Variants in TMEM215 observed in about 807,000 individuals in gnomAD.
The protein encoded by TMEM215 is transmembrane protein 215.
Under a neutral mutation model 14.7 loss-of-function variants are expected in TMEM215, and 12 were observed. The ratio of observed to expected loss-of-function variants is 0.82; its 90% CI spans 0.52 to 1.33. The LOEUF is 1.33. Among genes scored for constraint, TMEM215 ranks in the 40% most tolerant of loss-of-function variants. The pLI is 0.00. For missense variants in TMEM215, 276 were observed against 296.2 expected (o/e 0.93, Z 0.50); for synonymous variants, 122 against 124.8 (o/e 0.98, Z 0.15).
Position 32,784,992 on chromosome 9 carries a change from T to C in TMEM215, c.*101T>C. The C allele has an allele frequency of 1.0e-5, 10 of 986,998 alleles. No individual in the cohort carries two copies. Among genetic ancestry groups the C allele is most frequent in the East Asian group, 2.4e-5 (1 of 41,004 alleles). The allele number at this position is 986,998 out of a possible 1,614,324, so 61.1% of individuals were successfully genotyped here. The stretch of plus-strand genomic sequence containing the variant: ...TGGAGAGCCTTCACACTGTTAGAAA[T>C]TGACCTGGTATGTGATGGGTGTGAT... On this transcript the variant is annotated 3_prime_UTR_variant, in exon 2 of 2. Coordinates refer to ENST00000342743, the MANE Select transcript of TMEM215 (RefSeq NM_212558.3).
At position 32,784,884 on chromosome 9, in the gene TMEM215, T is replaced by A. The variant is rs759273226; in HGVS notation, c.701T>A (p.Ile234Asn). The change falls in exon 2 of 2, where the codon ATC becomes AAC. Residue 234 changes from isoleucine (I) to asparagine (N), a missense_variant. Physicochemically the swap from Ile to Asn is moderately radical, Grantham distance 149 (BLOSUM62 -3). Transcript: ENST00000342743. ...QIQGRWDHET[I>N]V The stretch of plus-strand genomic sequence containing the variant: ...CAAGGCAGGTGGGACCACGAGACCA[T>A]CGTCTAATCTCTGCCTACAAAGGTG... 1 of 1,610,382 alleles carries A rather than the reference T, an allele frequency of 6.2e-7. No homozygotes were observed. The highest frequency in any genetic ancestry group is 1.3e-5 in the African/African-American group (1 of 74,886).
rs1392673728 is a variant in TMEM215 at position 32,785,685 on chromosome 9, T to C, written c.*794T>C. ...TATTTCCTTACCAGGTGCAACATTA[T>C]TTGAAATGATACTTTCATAGATTGG... is the stretch of plus-strand genomic sequence containing the variant. On this transcript the variant is annotated 3_prime_UTR_variant, in exon 2 of 2. Coordinates refer to ENST00000342743, the MANE Select transcript of TMEM215 (RefSeq NM_212558.3). The C allele has an allele frequency of 6.0e-6, 1 of 166,694 alleles. No individual in the cohort carries two copies. The highest frequency in any genetic ancestry group is 1.5e-5 in the Non-Finnish European group (1 of 68,128). The allele number at this position is 166,694 out of a possible 1,614,324, so 10.3% of individuals were successfully genotyped here.
rs1824526931 is a variant in TMEM215 at position 32,788,017 on chromosome 9, C to G, written c.*3126C>G. Reference sequence around the variant, plus strand: ...TTATTTTCTGTTGCAGTCATCTTGGCAAACAAAATCCAGATACAGTTAAGT... The same window carrying G: ...TTATTTTCTGTTGCAGTCATCTTGGGAAACAAAATCCAGATACAGTTAAGT... On this transcript the variant is annotated 3_prime_UTR_variant, in exon 2 of 2. Coordinates refer to ENST00000342743, the MANE Select transcript of TMEM215 (RefSeq NM_212558.3). Among the ~76,000 whole-genome samples the G allele has an allele frequency of 6.6e-6, 1 of 152,110 alleles. No homozygotes were observed. The highest frequency in any genetic ancestry group is 1.5e-5 in the Non-Finnish European group (1 of 67,978).
chr9:32,783,982 A>G (rs572551298), intron 1 of TMEM215, 144 bp from the exon 2 acceptor site: 1 of 583,388 alleles, frequency 1.7e-6, no homozygotes, highest in East Asian at 2.9e-5. Flanking sequence ...AGATAGAGAG[A>G]TTGCAAGAGA....
In TMEM215 at chr9:32,786,257, G is replaced by C. The variant is rs1179494014; in HGVS notation, c.*1366G>C. On this transcript the variant is annotated 3_prime_UTR_variant, in exon 2 of 2. Coordinates refer to ENST00000342743, the MANE Select transcript of TMEM215 (RefSeq NM_212558.3). ...ATCCTTCAAAGAATGATCATTTTAA[G>C]TGATCATATAGTCTTAGTCACTTTC... 1 of 166,976 alleles carries C rather than the reference G, an allele frequency of 6.0e-6. No homozygotes were observed. The highest frequency in any genetic ancestry group is 1.5e-5 in the Non-Finnish European group (1 of 68,058). The allele number at this position is 166,976 out of a possible 1,614,324, so 10.3% of individuals were successfully genotyped here. A position where few individuals can be genotyped will look rare whatever the true frequency, so the allele number is the denominator to read the frequency against.
Position 32,788,704 on chromosome 9 carries a change from T to C in TMEM215, c.*3813T>C, listed in dbSNP as rs1824534007. Among the ~76,000 whole-genome samples the C allele has an allele frequency of 6.6e-6, 1 of 152,366 alleles. No homozygotes were observed. Among genetic ancestry groups the C allele is most frequent in the East Asian group, 1.9e-4 (1 of 5,188 alleles). On this transcript the variant is annotated 3_prime_UTR_variant, in exon 2 of 2. Transcript: ENST00000342743. The stretch of plus-strand genomic sequence containing the variant: ...ATGTGTAAATGAATGGAACTCTCCA[T>C]ATTGTTGTGTGGGTCTTCCCTTCAC...
rs1342859219 is a variant in TMEM215, at chr9:32,787,740, T to C, written c.*2849T>C. Among the ~76,000 whole-genome samples, 1 of 152,152 alleles carries C rather than the reference T, an allele frequency of 6.6e-6. No homozygotes were observed. Among genetic ancestry groups the C allele is most frequent in the Non-Finnish European group, 1.5e-5 (1 of 67,980 alleles). ...TAATAGACATGAGGATTGTTCCTGG[T>C]AGCCTTCAAGAGCTCCTAGACAGAT... On this transcript the variant is annotated 3_prime_UTR_variant, in exon 2 of 2. Transcript: ENST00000342743.
Position 32,786,162 on chromosome 9 carries a change from G to A in TMEM215, c.*1271G>A, listed in dbSNP as rs1047506595. On this transcript the variant is annotated 3_prime_UTR_variant, in exon 2 of 2. Transcript: ENST00000342743. ...TCAAGCAGAATGCCATTTGATCCCC[G>A]GTGAAGAAAAATATGAATTATATAT... 3.0e-5 allele frequency: 5 copies of A among 166,838 alleles called. No homozygotes were observed. The highest frequency in any genetic ancestry group is 6.5e-5 in the Admixed American group (1 of 15,282). The allele number at this position is 166,838 out of a possible 1,614,324, so 10.3% of individuals were successfully genotyped here.
At position 32,787,635 on chromosome 9, in the gene TMEM215, A is replaced by G. The variant is rs181289228; in HGVS notation, c.*2744A>G. On this transcript the variant is annotated 3_prime_UTR_variant, in exon 2 of 2. Transcript: ENST00000342743. ...AGAGGTAGAAGAGAAAGAGAAAAAAAGTGTCTCAGCCCTTTAGAGGAAAAG... is the reference window on the plus strand; with the variant it reads ...AGAGGTAGAAGAGAAAGAGAAAAAAGGTGTCTCAGCCCTTTAGAGGAAAAG... 1.3e-5 allele frequency among the ~76,000 whole-genome samples: 2 copies of G among 152,122 alleles called. No homozygotes were observed. The highest frequency in any genetic ancestry group is 4.8e-5 in the African/African-American group (2 of 41,452).
In TMEM215 at chr9:32,787,210, G is replaced by C. The variant is rs1386352055; in HGVS notation, c.*2319G>C. On this transcript the variant is annotated 3_prime_UTR_variant, in exon 2 of 2. Coordinates refer to ENST00000342743, the MANE Select transcript of TMEM215 (RefSeq NM_212558.3). ...ATTTAAAACTCCTTTATATCATTCT[G>C]TCTCTTTCCAAATTGAGGGTCAACT... The C allele has an allele frequency of 6.0e-6, 1 of 166,888 alleles. No individual in the cohort carries two copies. Among genetic ancestry groups the C allele is most frequent in the Non-Finnish European group, 1.5e-5 (1 of 68,004 alleles). The allele number at this position is 166,888 out of a possible 1,614,324, so 10.3% of individuals were successfully genotyped here.
In TMEM215 at chr9:32,784,240, C is replaced by A; in HGVS notation, c.57C>A (p.Val19=). Residue 19 remains valine (V), a synonymous_variant, in exon 2 of 2, where the codon GTC becomes GTA. Coordinates refer to ENST00000342743, the MANE Select transcript of TMEM215 (RefSeq NM_212558.3). ...GGCTGGTGGTGGCCCTGGTCAGTGT[C>A]TTCCTCGTCTTTGGTTTCATGTTCA... ...RTGLVVALVS[V]FLVFGFMFTV... The A allele has an allele frequency of 6.2e-7, 1 of 1,614,200 alleles. No individual in the cohort carries two copies. The highest frequency in any genetic ancestry group is 8.5e-7 in the Non-Finnish European group (1 of 1,180,032).
Position 32,786,354 on chromosome 9 carries a change from T to C in TMEM215, c.*1463T>C, listed in dbSNP as rs1009646466. ...TGTATTTCAATTCCAACTCTGCAATTCTTTCTTAAGTATAGCAATTGTTCT... is the reference window on the plus strand; with the variant it reads ...TGTATTTCAATTCCAACTCTGCAATCCTTTCTTAAGTATAGCAATTGTTCT... On this transcript the variant is annotated 3_prime_UTR_variant, in exon 2 of 2. Transcript: ENST00000342743. 6.0e-6 allele frequency: 1 copy of C among 167,028 alleles called. No homozygotes were observed. The highest frequency in any genetic ancestry group is 6.5e-5 in the Admixed American group (1 of 15,292). 10.3% of individuals were successfully genotyped at this position (167,028 alleles called of 1,614,324 possible). A position where few individuals can be genotyped will look rare whatever the true frequency, so the allele number is the denominator to read the frequency against.
chr9:32,785,000 G>C lies in TMEM215; in HGVS notation c.*109G>C. 2 of 888,378 alleles carry C rather than the reference G, an allele frequency of 2.3e-6. No homozygotes were observed. The highest frequency in any genetic ancestry group is 3.0e-4 in the Middle Eastern group (1 of 3,366). 55.0% of individuals were successfully genotyped at this position (888,378 alleles called of 1,614,324 possible). ...CTTCACACTGTTAGAAATTGACCTG[G>C]TATGTGATGGGTGTGATAACCTCTG... On this transcript the variant is annotated 3_prime_UTR_variant, in exon 2 of 2. Coordinates refer to ENST00000342743, the MANE Select transcript of TMEM215 (RefSeq NM_212558.3).
chr9:32,784,318 C>G lies in TMEM215; in HGVS notation c.135C>G (p.Ile45Met), dbSNP rs756203663. Reference protein sequence around the residue: ...ETLGNIPLLAIGPAICLPGIA... With the variant: ...ETLGNIPLLAMGPAICLPGIA... Reference sequence around the variant, plus strand: ...TGGGAAACATCCCCCTCCTGGCCATCGGGCCAGCCATCTGCCTACCAGGCA... The same window carrying G: ...TGGGAAACATCCCCCTCCTGGCCATGGGGCCAGCCATCTGCCTACCAGGCA... Residue 45 changes from isoleucine (I) to methionine (M), a missense_variant, in exon 2 of 2, where the codon ATC (isoleucine) becomes ATG (methionine). Coordinates refer to ENST00000342743, the MANE Select transcript of TMEM215 (RefSeq NM_212558.3). 6.8e-6 allele frequency: 11 copies of G among 1,614,106 alleles called. No homozygotes were observed. In the East Asian group the frequency reaches 8.9e-5, roughly 13 times the overall value.
chr9:32,784,246 C>A lies in TMEM215; in HGVS notation c.63C>A (p.Leu21=), dbSNP rs139494754. Residue 21 remains leucine, a synonymous_variant, in exon 2 of 2, where the codon CTC becomes CTA. Transcript: ENST00000342743. ...TGGTGGCCCTGGTCAGTGTCTTCCT[C>A]GTCTTTGGTTTCATGTTCACCGTCT... is the stretch of plus-strand genomic sequence containing the variant. ...GLVVALVSVF[L]VFGFMFTVSG... 3.1e-6 allele frequency: 5 copies of A among 1,614,052 alleles called. No individual in the cohort carries two copies. In the African/African-American group the frequency reaches 5.3e-5, roughly 17 times the overall value.
Position 32,784,355 on chromosome 9 carries a change from G to C in TMEM215, c.172G>C (p.Ala58Pro). 1 of 1,614,238 alleles carries C rather than the reference G, an allele frequency of 6.2e-7. No individual in the cohort carries two copies. Among genetic ancestry groups the C allele is most frequent in the East Asian group, 2.2e-5 (1 of 44,878 alleles). ...CTGCCTACCAGGCATCGCAGCCATT[G>C]CCCTGGCCAGGAAAACCGAGGGATG... ...AICLPGIAAIALARKTEGCTK... is the reference protein window; with the variant it reads ...AICLPGIAAIPLARKTEGCTK... Residue 58 changes from alanine (A) to proline (P), a missense_variant, in exon 2 of 2, where the codon GCC becomes CCC. Ala to Pro is a conservative substitution (Grantham distance 27). Coordinates refer to ENST00000342743, the MANE Select transcript of TMEM215 (RefSeq NM_212558.3).
Position 32,784,527 on chromosome 9 carries a change from CG to C in TMEM215, c.347del (p.Gly116AlafsTer130). ...AGCTCAGATGAGCTGGCTAAGAAGG[CG>C]GGCCTCAGGGGGAAGCCTCCCCCAC... The part of the protein sequence containing the change: ...KGSSDELAKK[A>X]GLRGKPPPQS... On this transcript the variant is annotated frameshift_variant, in exon 2 of 2. Coordinates refer to ENST00000342743, the MANE Select transcript of TMEM215 (RefSeq NM_212558.3). LOFTEE classifies it high-confidence loss of function. The C allele has an allele frequency of 6.2e-7, 1 of 1,613,900 alleles. No homozygotes were observed. The highest frequency in any genetic ancestry group is 8.5e-7 in the Non-Finnish European group (1 of 1,180,024).
At position 32,788,595 on chromosome 9, in the gene TMEM215, G is replaced by T. The variant is rs1387304526; in HGVS notation, c.*3704G>T. ...TTTTTTTCCTATTGCTGGTTACACT[G>T]CTATATTATTTGTTATATGCCAATA... is the stretch of plus-strand genomic sequence containing the variant. On this transcript the variant is annotated 3_prime_UTR_variant, in exon 2 of 2. Transcript: ENST00000342743. 6.6e-6 allele frequency among the ~76,000 whole-genome samples: 1 copy of T among 152,152 alleles called. No homozygotes were observed. The highest frequency in any genetic ancestry group is 1.5e-5 in the Non-Finnish European group (1 of 68,026).
chr9:32,783,832 T>G, intron 1 of TMEM215, 27 bp downstream of exon 1: 1 of 209,674 alleles, frequency 4.8e-6, no homozygotes, highest in Non-Finnish European at 9.5e-6. Context: ...AGCCGGAGCG[T>G]GTTGATATGA....
Sources: allele counts gnomAD v4.1 joint callset (sites outside exome capture counted in the v4.1 genomes callset), GRCh38; gene constraint gnomAD v4.1.1; transcripts MANE v1.5; gene names NCBI Gene and HGNC (gene_info 2026-07-23, HGNC 2026-07-21).